Variants in KLHL32 observed in about 807,000 individuals in gnomAD.
The protein encoded by KLHL32 is kelch like family member 32.
Under a neutral mutation model 64.8 loss-of-function variants are expected in KLHL32, and 35 were observed. The ratio of observed to expected loss-of-function variants is 0.54; its 90% CI spans 0.41 to 0.72. The LOEUF is 0.72. Among genes scored for constraint, KLHL32 ranks in the 30% least tolerant of loss-of-function variants. The pLI is 0.00. For synonymous variants in KLHL32, 259 were observed against 281.0 expected, an observed-to-expected ratio of 0.92 and a Z score of 0.78; for missense variants, 589 against 768.5, an observed-to-expected ratio of 0.77 and a Z score of 2.76.
intron 3 of KLHL32, among the ~76,000 whole-genome samples, chr6:97,001,352 T>C (rs1290579613): frequency 6.6e-6 from 1 of 152,222 alleles, no homozygotes; most frequent in African/African-American, 2.4e-5. Context: ...ATTTTATTAA[T>C]TAAATTTTTA....
At chr6:97,051,527 T>A (rs898178991) in intron 4 of KLHL32, among the ~76,000 whole-genome samples, 2 of 152,176 alleles carry the variant, frequency 1.3e-5, no homozygotes, top group African/African-American at 4.8e-5. Flanking sequence ...CTTCTGAATG[T>A]TTCAACAGAA....
At chr6:96,913,299 A>G in the KLHL32 span, among the ~76,000 whole-genome samples, 1 of 152,216 alleles carries the variant, frequency 6.6e-6, no homozygotes, top group Non-Finnish European at 1.5e-5. Context: ...TCTATCTGGT[A>G]TTGGCATTTG....
At chr6:97,086,256 G>A (rs1394662437) in intron 6 of KLHL32, among the ~76,000 whole-genome samples, 1 of 152,174 alleles carries the variant, frequency 6.6e-6, no homozygotes, top group Non-Finnish European at 1.5e-5. Flanking sequence ...AATATTTAGA[G>A]AGTATTTTAA....
the KLHL32 span, among the ~76,000 whole-genome samples, chr6:96,915,702 GAATT>G: frequency 2.6e-5 from 4 of 151,964 alleles, no homozygotes; most frequent in Non-Finnish European, 5.9e-5. Flanking sequence ...TTAAGAGTGA[GAATT>G]AATAATGCTC....
At chr6:96,977,157 G>C (rs1039492015) in intron 3 of KLHL32, among the ~76,000 whole-genome samples, 3 of 152,160 alleles carry the variant, frequency 2.0e-5, no homozygotes, top group African/African-American at 7.2e-5. Flanking sequence ...GTGAGCAAAG[G>C]ATTTTATATG....
In KLHL32 at chr6:97,114,331, G is replaced by T. The variant is rs74787311; in HGVS notation, c.1176G>T (p.Val392=). The change falls in exon 7 of 11, where the codon GTG becomes GTT. Residue 392 remains valine (V), a synonymous_variant. Transcript: ENST00000369261. ...TGAAAAACTGCCGGGAGCATTTTGTGCTGGGTGCCATGGAGGAATACCTCT... is the reference window on the plus strand; with the variant it reads ...TGAAAAACTGCCGGGAGCATTTTGTTCTGGGTGCCATGGAGGAATACCTCT... The part of the protein sequence containing the change: ...APMKNCREHF[V]LGAMEEYLYA... The T allele has an allele frequency of 0.062, 100,879 of 1,614,142 alleles. 3,683 individuals carry two copies. The highest frequency in any genetic ancestry group is 0.074 in the Non-Finnish European group (86,761 of 1,180,002).
At chr6:96,976,296 G>T in intron 3 of KLHL32, 119 bp downstream of exon 3, 2 of 927,292 alleles carry the variant, frequency 2.2e-6, no homozygotes, top group Non-Finnish European at 1.5e-6. Context: ...AATGGTGGGG[G>T]CCTTTGTTCT....
intron 5 of KLHL32, among the ~76,000 whole-genome samples, chr6:97,065,452 A>G (rs1345839172): frequency 6.6e-6 from 1 of 152,102 alleles, no homozygotes; most frequent in Non-Finnish European, 1.5e-5. Context: ...TTGGATGAAA[A>G]CTTCTTGTTA....
At chr6:96,980,902 CA>C (rs1180612975) in intron 3 of KLHL32, among the ~76,000 whole-genome samples, 5 of 151,620 alleles carry the variant, frequency 3.3e-5, no homozygotes, top group Admixed American at 1.3e-4. Context: ...CACAGTTCTA[CA>C]GGGCTGGGGA....
At chr6:97,088,150 T>G (rs1033203195) in intron 6 of KLHL32, among the ~76,000 whole-genome samples, 7 of 152,200 alleles carry the variant, frequency 4.6e-5, no homozygotes, top group African/African-American at 1.7e-4. Flanking sequence ...CATAGAGAGT[T>G]GTTCACATAC....
intron 6 of KLHL32, among the ~76,000 whole-genome samples, chr6:97,102,969 C>G (rs1467038135): frequency 2.0e-5 from 3 of 151,796 alleles, no homozygotes; most frequent in Non-Finnish European, 4.4e-5. Context: ...GTTATTTTTT[C>G]TGCTCCTCTC....
At chr6:97,105,051 C>T (rs925285136) in intron 6 of KLHL32, among the ~76,000 whole-genome samples, 1 of 152,102 alleles carries the variant, frequency 6.6e-6, no homozygotes, top group South Asian at 2.1e-4. Flanking sequence ...CATGGCAAAT[C>T]GCAACACCTG....
At chr6:97,121,401 A>G (rs1798351575) in intron 7 of KLHL32, among the ~76,000 whole-genome samples, 1 of 152,228 alleles carries the variant, frequency 6.6e-6, no homozygotes. Context: ...TTTAGAATCA[A>G]CAATCATTGA....
intron 6 of KLHL32, among the ~76,000 whole-genome samples, chr6:97,112,383 T>C (rs1797253946): frequency 6.6e-6 from 1 of 152,152 alleles, no homozygotes; most frequent in African/African-American, 2.4e-5. Context: ...CAAACTTAAC[T>C]ATTAAGTCAC....
At chr6:97,119,928 G>C (rs1157987229) in intron 7 of KLHL32, among the ~76,000 whole-genome samples, 4 of 152,140 alleles carry the variant, frequency 2.6e-5, no homozygotes, top group Non-Finnish European at 4.4e-5. Context: ...AAGCAAGAGG[G>C]GAGTTTGGCT....
At chr6:97,049,082 G>A (rs986047688) in intron 4 of KLHL32, among the ~76,000 whole-genome samples, 19 of 152,152 alleles carry the variant, frequency 1.2e-4, no homozygotes, top group African/African-American at 4.3e-4. Context: ...ACCTGCTGGG[G>A]CTATATTCCA....
chr6:96,950,718 A>G (rs1377989438), intron 1 of KLHL32, among the ~76,000 whole-genome samples: 3 of 152,240 alleles, frequency 2.0e-5, no homozygotes, highest in Admixed American at 2.0e-4. Flanking sequence ...CAAATATTTT[A>G]TCTGAGAGAA....
At chr6:97,010,411 T>G (rs954590265) in intron 3 of KLHL32, 3 of 152,238 alleles carry the variant, frequency 2.0e-5, no homozygotes, top group African/African-American at 4.8e-5. Flanking sequence ...CCCTGGACTT[T>G]GCAGATAATA....
chr6:96,974,552 A>G (rs1775490109), intron 2 of KLHL32, among the ~76,000 whole-genome samples: 1 of 152,018 alleles, frequency 6.6e-6, no homozygotes, highest in South Asian at 2.1e-4. Context: ...TAATCCTCCC[A>G]CCTTCCCACA....
Sources: gnomAD v4.1 joint callset for allele counts (sites outside exome capture counted in the v4.1 genomes callset) on GRCh38, gnomAD v4.1.1 for gene constraint, MANE v1.5 for transcripts, NCBI Gene and HGNC (gene_info 2026-07-23, HGNC 2026-07-21) for gene names.